The following VSIG10L variants were observed in gnomAD, a reference collection of about 807,000 sequenced individuals.
VSIG10L encodes V-set and immunoglobulin domain-containing protein 10-like.
VSIG10L carries 63 observed loss-of-function variants against 67.3 expected under a neutral mutation model. That is an observed-to-expected ratio of 0.94 (90% CI 0.76 to 1.15). VSIG10L has a LOEUF of 1.15. VSIG10L is among the 50% of genes most tolerant of loss of function. VSIG10L has a pLI of 0.00. For missense variants in VSIG10L, 1,050 were observed against 1,177.5 expected, an observed-to-expected ratio of 0.89 and a Z score of 1.58; for synonymous variants, 499 against 524.9, an observed-to-expected ratio of 0.95 and a Z score of 0.67.
At position 51,340,528 on chromosome 19, in the gene VSIG10L, A is replaced by G. The variant is rs1203046595; in HGVS notation, c.1094T>C (p.Ile365Thr). The change falls in exon 3 of 10, where the codon ATC (isoleucine) becomes ACC (threonine). Residue 365 changes from isoleucine (I) to threonine (T), a missense_variant. Around this residue, in one of 3 missense-constraint regions of VSIG10L, gnomAD observed 511 missense variants for 557.9 expected, o/e 0.92. Coordinates refer to ENST00000335624, the MANE Select transcript of VSIG10L (RefSeq NM_001163922.3). This position sits in a 1 kb window ranked among gnomAD's most constrained non-coding sequence, Gnocchi z 6.3. Reference protein sequence around the residue: ...RMRSEGDQLLIVRPVRSDHAR... With the variant: ...RMRSEGDQLLTVRPVRSDHAR... ...GTGGTCGCTGCGCACAGGGCGCACGATGAGCAGCTGGTCGCCCTCTGAGCG... is the reference window on the plus strand; with the variant it reads ...GTGGTCGCTGCGCACAGGGCGCACGGTGAGCAGCTGGTCGCCCTCTGAGCG... 1 of 1,534,740 alleles carries G rather than the reference A, an allele frequency of 6.5e-7. No homozygotes were observed. Among genetic ancestry groups the G allele is most frequent in the Non-Finnish European group, 8.7e-7 (1 of 1,145,316 alleles).
In VSIG10L at chr19:51,337,531, G is replaced by A. The variant is rs775705780; in HGVS notation, c.2012C>T (p.Pro671Leu). The A allele has an allele frequency of 2.0e-6, 3 of 1,518,016 alleles. No homozygotes were observed. The highest frequency in any genetic ancestry group is 2.7e-6 in the Non-Finnish European group (3 of 1,122,668). The allele number at this position is 1,518,016 out of a possible 1,614,324, so 94.0% of individuals were successfully genotyped here. A position where few individuals can be genotyped will look rare whatever the true frequency, so the allele number is the denominator to read the frequency against. The change falls in exon 7 of 10, where the codon CCC (proline) becomes CTC (leucine). Residue 671 changes from proline (P) to leucine (L), a missense_variant. By Grantham distance (98) the Pro-to-Leu change is moderately conservative. This residue lies in a region of VSIG10L where 529 missense variants were observed against 584.9 expected (regional missense o/e 0.90). Transcript: ENST00000335624. ...CTGAAGCCTCCACGAGGATATGGAG[G>A]GTCCTAGAGGGATGTGGGGGTGGCT... ...AGGDQITLIG[P>L]SISSWRLQRA...
rs2123559363 is a variant in VSIG10L at position 51,341,143 on chromosome 19, G to A, written c.895+10C>T. ...TGCCGCCTGCACGCCGGACGCCAGG[G>A]CCCACTTACCATACACACCCACCGT... On this transcript the variant is annotated intron_variant, in intron 2 of 9. Coordinates refer to ENST00000335624, the MANE Select transcript of VSIG10L (RefSeq NM_001163922.3). 2.0e-6 allele frequency: 3 copies of A among 1,493,444 alleles called. No homozygotes were observed. The highest frequency in any genetic ancestry group is 2.7e-6 in the Non-Finnish European group (3 of 1,116,598). The allele number at this position is 1,493,444 out of a possible 1,614,324, so 92.5% of individuals were successfully genotyped here.
chr19:51,338,987 G>A lies in VSIG10L; in HGVS notation c.1630C>T (p.Leu544=), dbSNP rs1434214409. 7.0e-7 allele frequency: 1 copy of A among 1,426,234 alleles called. No homozygotes were observed. Among genetic ancestry groups the A allele is most frequent in the African/African-American group, 1.5e-5 (1 of 66,606 alleles). 88.3% of individuals were successfully genotyped at this position (1,426,234 alleles called of 1,614,324 possible). The change falls in exon 5 of 10, where the codon CTG becomes TTG. Residue 544 remains leucine, a synonymous_variant. Transcript: ENST00000335624. The part of the protein sequence containing the change: ...GIRAGPVSSV[L]LAAVPAHPRL... ...GGGTGGGCGGGGACGGCCGCCAGCAGCACAGAGGACACTGGCCCGGCGCGG... is the reference window on the plus strand; with the variant it reads ...GGGTGGGCGGGGACGGCCGCCAGCAACACAGAGGACACTGGCCCGGCGCGG...
intron 4 of VSIG10L, 132 bp downstream of exon 4, chr19:51,339,883 T>C (rs1205734973): frequency 4.1e-5 from 22 of 539,416 alleles, no homozygotes; most frequent in African/African-American, 2.5e-4. Flanking sequence ...TGACCCGCCC[T>C]CCCGCTGGCC....
rs139206752 is a variant in VSIG10L, at chr19:51,337,151, G to C, written c.2305+87C>G. 592 of 1,414,710 alleles carry C rather than the reference G, an allele frequency of 4.2e-4. 3 individuals are homozygous for C. The African/African-American group carries it at 7.6e-3, about 18-fold the overall frequency. 87.6% of individuals were successfully genotyped at this position (1,414,710 alleles called of 1,614,324 possible). On this transcript the variant is annotated intron_variant, in intron 7 of 9. Transcript: ENST00000335624. ...CAAGCCATGCAGTTCATGGTACTTT[G>C]TTAGGGCAGGCCCCAGGACACTAAA... is the stretch of plus-strand genomic sequence containing the variant.
At position 51,340,101 on chromosome 19, in the gene VSIG10L, G is replaced by A. The variant is rs1985589345; in HGVS notation, c.1388C>T (p.Pro463Leu). The A allele has an allele frequency of 7.5e-7, 1 of 1,333,400 alleles. No individual in the cohort carries two copies. The highest frequency in any genetic ancestry group is 9.6e-7 in the Non-Finnish European group (1 of 1,045,978). 82.6% of individuals were successfully genotyped at this position (1,333,400 alleles called of 1,614,324 possible). A position where few individuals can be genotyped will look rare whatever the true frequency, so the allele number is the denominator to read the frequency against. ...GCAGGCGTAGGTGCCTGCGTGGCCC[G>A]GTCCGACCGCGGGCAGCAGGAGGCG... ...GSRLLLPAVG[P>L]GHAGTYACLA... The change falls in exon 4 of 10, where the codon CCG becomes CTG. Residue 463 changes from proline to leucine, a missense_variant. Around this residue, in one of 3 missense-constraint regions of VSIG10L, gnomAD observed 529 missense variants for 584.9 expected, o/e 0.90. Coordinates refer to ENST00000335624, the MANE Select transcript of VSIG10L (RefSeq NM_001163922.3). The surrounding 1 kb of genome is among the most constrained non-coding windows in gnomAD (Gnocchi z 6.3).
At chr19:51,339,167 AG>A in intron 4 of VSIG10L, 25 bp from the exon 5 acceptor site, 1 of 1,276,608 alleles carries the variant, frequency 7.8e-7, no homozygotes, top group Non-Finnish European at 1.0e-6. Flanking sequence ...GAGAGAATGA[AG>A]ATGGAGTCCC....
Position 51,339,004 on chromosome 19 carries a change from C to G in VSIG10L, c.1613G>C (p.Gly538Ala), listed in dbSNP as rs753553065. Residue 538 changes from glycine (G) to alanine (A), a missense_variant, in exon 5 of 10, where the codon GGG becomes GCG. Physicochemically the swap from Gly to Ala is moderately conservative, Grantham distance 60. Around this residue, in one of 3 missense-constraint regions of VSIG10L, gnomAD observed 529 missense variants for 584.9 expected, o/e 0.90. Coordinates refer to ENST00000335624, the MANE Select transcript of VSIG10L (RefSeq NM_001163922.3). Reference sequence around the variant, plus strand: ...CGCCAGCAGCACAGAGGACACTGGCCCGGCGCGGATGCCTTCGGGGAGACC... The same window carrying G: ...CGCCAGCAGCACAGAGGACACTGGCGCGGCGCGGATGCCTTCGGGGAGACC... ...FQGLPEGIRA[G>A]PVSSVLLAAV... The G allele has an allele frequency of 7.1e-7, 1 of 1,400,276 alleles. No homozygotes were observed. Among genetic ancestry groups the G allele is most frequent in the South Asian group, 1.5e-5 (1 of 64,710 alleles). The allele number at this position is 1,400,276 out of a possible 1,614,324, so 86.7% of individuals were successfully genotyped here. A position where few individuals can be genotyped will look rare whatever the true frequency, so the allele number is the denominator to read the frequency against.
At position 51,340,525 on chromosome 19, in the gene VSIG10L, A is replaced by G; in HGVS notation, c.1097T>C (p.Val366Ala). The G allele has an allele frequency of 6.5e-7, 1 of 1,534,630 alleles. No individual in the cohort carries two copies. Among genetic ancestry groups the G allele is most frequent in the Non-Finnish European group, 8.7e-7 (1 of 1,145,264 alleles). ...MRSEGDQLLIVRPVRSDHARY... is the reference protein window; with the variant it reads ...MRSEGDQLLIARPVRSDHARY... Reference sequence around the variant, plus strand: ...GGCGTGGTCGCTGCGCACAGGGCGCACGATGAGCAGCTGGTCGCCCTCTGA... The same window carrying G: ...GGCGTGGTCGCTGCGCACAGGGCGCGCGATGAGCAGCTGGTCGCCCTCTGA... The change falls in exon 3 of 10, where the codon GTG (valine) becomes GCG (alanine). Residue 366 changes from valine to alanine, a missense_variant. Transcript: ENST00000335624. The surrounding 1 kb of genome is among the most constrained non-coding windows in gnomAD (Gnocchi z 6.3).
Position 51,341,748 on chromosome 19 carries a change from C to T in VSIG10L, c.300G>A (p.Glu100=). The T allele has an allele frequency of 6.4e-7, 1 of 1,551,640 alleles. No individual in the cohort carries two copies. The highest frequency in any genetic ancestry group is 1.2e-5 in the South Asian group (1 of 84,062). ...GGGAAACCGGGCTCAAATCTTGGCC[C>T]TCAGCAGAAACATTTGACCAGAAGG... ...SGSFWSNVSA[E]GQDLSPVSPF... Residue 100 remains glutamate, a synonymous_variant, in exon 2 of 10, where the codon GAG becomes GAA. Transcript: ENST00000335624.
At chr19:51,339,923 C>T (rs1000458011) in intron 4 of VSIG10L, 92 bp downstream of exon 4, 3 of 1,200,830 alleles carry the variant, frequency 2.5e-6, no homozygotes, top group African/African-American at 3.2e-5. Flanking sequence ...GCTGCTCCTC[C>T]TTGCTGGCCC....
Position 51,341,903 on chromosome 19 carries a change from C to T in VSIG10L, c.145G>A (p.Gly49Ser), listed in dbSNP as rs1414637915. 1.3e-6 allele frequency: 2 copies of T among 1,551,526 alleles called. No homozygotes were observed. The highest frequency in any genetic ancestry group is 2.0e-5 in the Admixed American group (1 of 50,990). ...SDSKSSSQGL[G>S]VEVPSIKPPS... ...GGTTTGATGGAGGGAACTTCCACAC[C>T]CAGCCCCTGGGAAGAGCTCTTTGAG... Residue 49 changes from glycine (G) to serine (S), a missense_variant, in exon 2 of 10, where the codon GGT becomes AGT. Physicochemically the swap from Gly to Ser is moderately conservative, Grantham distance 56. This residue lies in a region of VSIG10L where 511 missense variants were observed against 557.9 expected (regional missense o/e 0.92). Coordinates refer to ENST00000335624, the MANE Select transcript of VSIG10L (RefSeq NM_001163922.3).
chr19:51,338,251 C>A lies in VSIG10L; in HGVS notation c.1730-43G>T, dbSNP rs919498085. On this transcript the variant is annotated intron_variant, in intron 5 of 9. Transcript: ENST00000335624. ...CCAGTTAAGAAAGTCAAGACCTTACCTTGGATTCAAAGAACAGATCCTATG... is the reference window on the plus strand; with the variant it reads ...CCAGTTAAGAAAGTCAAGACCTTACATTGGATTCAAAGAACAGATCCTATG... 2.8e-6 allele frequency: 4 copies of A among 1,445,286 alleles called. No individual in the cohort carries two copies. The Admixed American group carries it at 8.7e-5, about 32-fold the overall frequency. 89.5% of individuals were successfully genotyped at this position (1,445,286 alleles called of 1,614,324 possible).
chr19:51,339,908 G>C (rs12982441), intron 4 of VSIG10L, 107 bp downstream of exon 4: 51 of 861,976 alleles, frequency 5.9e-5, no homozygotes, highest in Middle Eastern at 4.9e-4. Context: ...CCCACCCACC[G>C]GTATGCTGCT....
Position 51,332,534 on chromosome 19 carries a change from C to A in VSIG10L, c.*77G>T, listed in dbSNP as rs927638405. Reference sequence around the variant, plus strand: ...TGGAGTGAAATAGGAAGTTCTGGCCCAAAACGCCCTGTGCAGGGCAGACCA... The same window carrying A: ...TGGAGTGAAATAGGAAGTTCTGGCCAAAAACGCCCTGTGCAGGGCAGACCA... On this transcript the variant is annotated 3_prime_UTR_variant, in exon 10 of 10. Coordinates refer to ENST00000335624, the MANE Select transcript of VSIG10L (RefSeq NM_001163922.3). The A allele has an allele frequency of 6.6e-7, 1 of 1,526,532 alleles. No individual in the cohort carries two copies. Among genetic ancestry groups the A allele is most frequent in the Non-Finnish European group, 8.9e-7 (1 of 1,124,242 alleles). 94.6% of individuals were successfully genotyped at this position (1,526,532 alleles called of 1,614,324 possible).
At chr19:51,339,910 T>A (rs1985580893) in intron 4 of VSIG10L, 105 bp downstream of exon 4, 3 of 915,910 alleles carry the variant, frequency 3.3e-6, no homozygotes, top group Non-Finnish European at 4.0e-6. Flanking sequence ...CACCCACCGG[T>A]ATGCTGCTCC....
chr19:51,339,590 G>A (rs1270789317), intron 4 of VSIG10L: 3 of 209,510 alleles, frequency 1.4e-5, no homozygotes, highest in Non-Finnish European at 2.8e-5. Flanking sequence ...CGCCCCCCTT[G>A]CCAGGTAACT....
In VSIG10L at chr19:51,337,390, C is replaced by G; in HGVS notation, c.2153G>C (p.Arg718Thr). The G allele has an allele frequency of 6.4e-7, 1 of 1,551,734 alleles. No homozygotes were observed. Among genetic ancestry groups the G allele is most frequent in the Non-Finnish European group, 8.7e-7 (1 of 1,146,998 alleles). ...CAGGATGAGCAGGGAGACCCAGTCC[C>G]TGTAGGTGGAAGTCCTGCCCAGAGC... is the stretch of plus-strand genomic sequence containing the variant. ...GPALGRTSTY[R>T]DWVSLLILGP... Residue 718 changes from arginine (R) to threonine (T), a missense_variant, in exon 7 of 10, where the codon AGG becomes ACG. By Grantham distance (71) the Arg-to-Thr change is moderately conservative (BLOSUM62 -1). Transcript: ENST00000335624.
chr19:51,341,201 G>T lies in VSIG10L; in HGVS notation c.847C>A (p.Arg283=). 6.5e-7 allele frequency: 1 copy of T among 1,544,728 alleles called. No homozygotes were observed. ...DAGVYTAEVI[R]AGVSQQTHEF... ...TGAGTCTGCTGGGAGACCCCTGCCCGGATGACCTCAGCCGTGTAGACCCCT... is the reference window on the plus strand; with the variant it reads ...TGAGTCTGCTGGGAGACCCCTGCCCTGATGACCTCAGCCGTGTAGACCCCT... The change falls in exon 2 of 10, where the codon CGG becomes AGG. Residue 283 remains arginine, a synonymous_variant. Coordinates refer to ENST00000335624, the MANE Select transcript of VSIG10L (RefSeq NM_001163922.3).
Sources: allele counts gnomAD v4.1 joint callset, GRCh38; gene constraint gnomAD v4.1.1; regional missense constraint gnomAD v4.1.1; non-coding constraint Gnocchi (gnomAD v3.1); transcripts MANE v1.5; gene names NCBI Gene and HGNC (gene_info 2026-07-23, HGNC 2026-07-21).